Variants in SUSD6 observed in about 807,000 individuals in gnomAD.
SUSD6 encodes sushi domain-containing protein 6.
Under a neutral mutation model 28.4 loss-of-function variants are expected in SUSD6, and 16 were observed. The ratio of observed to expected loss-of-function variants is 0.56; its 90% CI spans 0.38 to 0.86. The LOEUF is 0.86. Ranked by LOEUF, SUSD6 falls within the 40% of genes least tolerant of loss-of-function variation. SUSD6 has a pLI of 0.00. For missense variants in SUSD6, 341 were observed against 384.2 expected, an observed-to-expected ratio of 0.89 and a Z score of 0.94; for synonymous variants, 147 against 159.6, an observed-to-expected ratio of 0.92 and a Z score of 0.59.
chr14:69,661,929 A>T (rs1002710272), intron 2 of SUSD6, among the ~76,000 whole-genome samples: 1 of 152,140 alleles, frequency 6.6e-6, no homozygotes, highest in African/African-American at 2.4e-5. Context: ...CCTCCTGAGT[A>T]GCTGGGACCA....
Position 69,703,824 on chromosome 14 carries a change from C to T in SUSD6, c.319+232C>T, listed in dbSNP as rs1594724011. On this transcript the variant is annotated intron_variant, in intron 3 of 5. Coordinates refer to ENST00000342745, the MANE Select transcript of SUSD6 (RefSeq NM_014734.4). ...GCCATCTGCCCTGCTCTGTAAAGCC[C>T]GTTTGATGTTCAGGATCTCTTGTTT... 7.0e-6 allele frequency: 4 copies of T among 573,206 alleles called. No homozygotes were observed. The East Asian group carries it at 8.9e-5, about 13-fold the overall frequency. 35.5% of individuals were successfully genotyped at this position (573,206 alleles called of 1,614,324 possible).
chr14:69,631,477 G>A (rs1200722607), intron 1 of SUSD6, among the ~76,000 whole-genome samples: 1 of 152,122 alleles, frequency 6.6e-6, no homozygotes, highest in African/African-American at 2.4e-5. Flanking sequence ...AGGTTATTTA[G>A]CCCTTCTGCT....
chr14:69,693,446 CT>C (rs1421987463), intron 2 of SUSD6, among the ~76,000 whole-genome samples: 2 of 152,166 alleles, frequency 1.3e-5, no homozygotes, highest in Non-Finnish European at 2.9e-5. Context: ...AAGGAGCCGG[CT>C]TATTACTGAA....
intron 1 of SUSD6, among the ~76,000 whole-genome samples, chr14:69,645,861 TGC>T (rs1885418778): frequency 6.6e-6 from 1 of 152,096 alleles, no homozygotes; most frequent in Admixed American, 6.5e-5. Flanking sequence ...GCGATTCTCC[TGC>T]CTCAGCCTTC....
At chr14:69,613,817 T>C (rs1429901477) in intron 1 of SUSD6, among the ~76,000 whole-genome samples, 1 of 152,226 alleles carries the variant, frequency 6.6e-6, no homozygotes, top group Non-Finnish European at 1.5e-5. Flanking sequence ...AATCCTCACT[T>C]ACACCTAGAT....
intron 4 of SUSD6, among the ~76,000 whole-genome samples, chr14:69,707,252 A>G (rs1886399326): frequency 6.6e-6 from 1 of 152,178 alleles, no homozygotes; most frequent in Non-Finnish European, 1.5e-5. Flanking sequence ...ATCAGAAAGG[A>G]TACTCTTAGG....
intron 1 of SUSD6, among the ~76,000 whole-genome samples, chr14:69,655,212 T>G (rs1425084946): frequency 2.6e-5 from 4 of 152,162 alleles, no homozygotes; most frequent in Non-Finnish European, 4.4e-5. Context: ...ACATACTAAT[T>G]TTAGAAGTCA....
intron 2 of SUSD6, among the ~76,000 whole-genome samples, chr14:69,672,462 C>T (rs1271534652): frequency 6.6e-6 from 1 of 152,120 alleles, no homozygotes; most frequent in Non-Finnish European, 1.5e-5. Flanking sequence ...AAGCAGAAGG[C>T]TAAGAAGAGC....
rs1886517103 is a variant in SUSD6, at chr14:69,714,451, A to G, written c.*3472A>G. Reference sequence around the variant, plus strand: ...CTTACTCCTCACCCCCAAAGAAAAAAAAAAGGCCTAGCAGGGAAGCAGCAT... The same window carrying G: ...CTTACTCCTCACCCCCAAAGAAAAAGAAAAGGCCTAGCAGGGAAGCAGCAT... On this transcript the variant is annotated 3_prime_UTR_variant, in exon 6 of 6. Transcript: ENST00000342745. 2 of 152,184 alleles carry G rather than the reference A, an allele frequency of 1.3e-5. No individual in the cohort carries two copies. The highest frequency in any genetic ancestry group is 2.9e-5 in the Non-Finnish European group (2 of 68,024). 9.4% of individuals were successfully genotyped at this position (152,184 alleles called of 1,614,324 possible).
At chr14:69,616,638 CTG>C (rs1347395218) in intron 1 of SUSD6, among the ~76,000 whole-genome samples, 2 of 152,084 alleles carry the variant, frequency 1.3e-5, no homozygotes, top group Non-Finnish European at 2.9e-5. Flanking sequence ...TGAAGGAAGA[CTG>C]AGAGATGTTT....
intron 1 of SUSD6, among the ~76,000 whole-genome samples, chr14:69,615,242 G>C (rs1363742960): frequency 6.6e-6 from 1 of 152,180 alleles, no homozygotes; most frequent in Non-Finnish European, 1.5e-5. Context: ...TTTCTCACGA[G>C]CTCCATAGTA....
rs1239875320 is a variant in SUSD6, at chr14:69,705,333, CAAAA to C, written c.458+597_458+600del. On this transcript the variant is annotated intron_variant, in intron 4 of 5. Coordinates refer to ENST00000342745, the MANE Select transcript of SUSD6 (RefSeq NM_014734.4). ...ACTCTGTCCCATTAAAAAAAAAAAA[CAAAA>C]AAAAACGGAAATCTGTTCAATTCCA... 3.7e-5 allele frequency among the ~76,000 whole-genome samples: 5 copies of C among 136,640 alleles called. No individual in the cohort carries two copies. In the East Asian group the frequency reaches 1.0e-3, roughly 28 times the overall value. The allele number at this position is 136,640 out of a possible 152,430, so 89.6% of individuals were successfully genotyped here. A position where few individuals can be genotyped will look rare whatever the true frequency, so the allele number is the denominator to read the frequency against.
chr14:69,622,973 G>A (rs1042806497), intron 1 of SUSD6, among the ~76,000 whole-genome samples: 5 of 152,144 alleles, frequency 3.3e-5, no homozygotes, highest in African/African-American at 1.2e-4. Flanking sequence ...TAAGACCTTT[G>A]GCAACCAGTA....
In SUSD6 at chr14:69,641,824, CGAACTCCTG is replaced by C. The variant is rs879690226; in HGVS notation, c.-80-16685_-80-16677del. ...CTCCCTATGTTGCCCAGGCTGGTCT[CGAACTCCTG>C]GAATCAAGAGATCCTCCTGCCTTGG... On this transcript the variant is annotated intron_variant, in intron 1 of 5. Transcript: ENST00000342745. 2.0e-5 allele frequency among the ~76,000 whole-genome samples: 3 copies of C among 151,564 alleles called. No homozygotes were observed. The East Asian group carries it at 5.8e-4, about 29-fold the overall frequency.
intron 1 of SUSD6, among the ~76,000 whole-genome samples, chr14:69,652,883 G>A (rs1172072766): frequency 3.9e-5 from 6 of 152,188 alleles, no homozygotes; most frequent in Non-Finnish European, 5.9e-5. Context: ...CCCACCGTGC[G>A]TGTCATCATT....
intron 2 of SUSD6, among the ~76,000 whole-genome samples, chr14:69,687,711 G>C (rs1303640494): frequency 6.6e-6 from 1 of 152,148 alleles, no homozygotes; most frequent in Admixed American, 6.5e-5. Context: ...TAGCAGTATT[G>C]TGGGCTTCTC....
intron 1 of SUSD6, among the ~76,000 whole-genome samples, chr14:69,645,121 A>C (rs1398592820): frequency 1.3e-5 from 2 of 152,216 alleles, no homozygotes; most frequent in African/African-American, 4.8e-5. Flanking sequence ...TGGAAGTTAC[A>C]CAAGATGGAG....
intron 2 of SUSD6, among the ~76,000 whole-genome samples, chr14:69,666,602 G>A (rs114573634): frequency 2.0e-5 from 3 of 152,020 alleles, no homozygotes; most frequent in Non-Finnish European, 2.9e-5. Context: ...CTTGCTTTTC[G>A]TAGCTATATT....
chr14:69,630,149 T>C (rs1291946808), intron 1 of SUSD6, among the ~76,000 whole-genome samples: 1 of 152,218 alleles, frequency 6.6e-6, no homozygotes, highest in Non-Finnish European at 1.5e-5. Context: ...GCTTATTTAA[T>C]CTTTATAGCA....
Sources: gnomAD v4.1 joint callset for allele counts (sites outside exome capture counted in the v4.1 genomes callset) on GRCh38, gnomAD v4.1.1 for gene constraint, MANE v1.5 for transcripts, NCBI Gene and HGNC (gene_info 2026-07-23, HGNC 2026-07-21) for gene names.